The following BAIAP2L1 variants were observed in gnomAD, a reference collection of about 807,000 sequenced individuals.
BAIAP2L1 encodes BAR/IMD domain-containing adapter protein 2-like 1.
BAIAP2L1 carries 35 observed loss-of-function variants against 66.3 expected under a neutral mutation model. The ratio of observed to expected loss-of-function variants is 0.53; its 90% CI spans 0.40 to 0.70. The LOEUF (loss-of-function observed/expected upper bound fraction) is 0.70, where lower values mean the gene tolerates loss of function less well. Ranked by LOEUF, BAIAP2L1 falls within the 30% of genes least tolerant of loss-of-function variation. The pLI is 0.00. For missense variants in BAIAP2L1, 622 were observed against 656.9 expected (o/e 0.95, Z 0.58); for synonymous variants, 269 against 248.7 (o/e 1.08, Z -0.77).
intron 3 of BAIAP2L1, among the ~76,000 whole-genome samples, chr7:98,340,515 C>T (rs1002096698): frequency 4.6e-5 from 7 of 152,134 alleles, no homozygotes; most frequent in Admixed American, 4.6e-4. Flanking sequence ...TCTCGATCTC[C>T]TGGCCTCGTG....
At chr7:98,327,911 G>A (rs1343674967) in intron 3 of BAIAP2L1, among the ~76,000 whole-genome samples, 1 of 152,076 alleles carries the variant, frequency 6.6e-6, no homozygotes, top group African/African-American at 2.4e-5. Context: ...TTAACGCTTT[G>A]CTTAACAGTA....
At chr7:98,354,940 C>T (rs1802085305) in intron 3 of BAIAP2L1, 102 bp downstream of exon 3, 2 of 846,152 alleles carry the variant, frequency 2.4e-6, no homozygotes, top group Non-Finnish European at 4.0e-6. Context: ...AGCATGCTGG[C>T]CCAGATCTCT....
chr7:98,294,302 G>C (rs1369299991), intron 12 of BAIAP2L1, among the ~76,000 whole-genome samples, 191 bp from the exon 13 acceptor site: 1 of 152,190 alleles, frequency 6.6e-6, no homozygotes, highest in Non-Finnish European at 1.5e-5. Flanking sequence ...CTGTATTGGA[G>C]ATTTTTAATA....
At chr7:98,302,961 T>C (rs551326648) in intron 12 of BAIAP2L1, among the ~76,000 whole-genome samples, 6 of 152,224 alleles carry the variant, frequency 3.9e-5, no homozygotes, top group Admixed American at 3.3e-4. Context: ...ATTTTTTATA[T>C]TTTTTGTCTA....
At chr7:98,380,141 G>T (rs1347807533) in intron 1 of BAIAP2L1, among the ~76,000 whole-genome samples, 1 of 150,626 alleles carries the variant, frequency 6.6e-6, no homozygotes, top group Non-Finnish European at 1.5e-5. Context: ...GCAGTGGTGT[G>T]ATCAGACCTC....
chr7:98,388,387 G>C (rs1242543247), intron 1 of BAIAP2L1, among the ~76,000 whole-genome samples: 1 of 152,208 alleles, frequency 6.6e-6, no homozygotes, highest in African/African-American at 2.4e-5. Context: ...CGGCTACTCG[G>C]GAGGCCAAGG....
At position 98,329,871 on chromosome 7, in the gene BAIAP2L1, T is replaced by C. The variant is rs1264256985; in HGVS notation, c.215-9573A>G. Among the ~76,000 whole-genome samples the C allele has an allele frequency of 2.0e-5, 3 of 152,126 alleles. No homozygotes were observed. The South Asian group carries it at 6.2e-4, about 32-fold the overall frequency. On this transcript the variant is annotated intron_variant, in intron 3 of 13. Coordinates refer to ENST00000005260, the MANE Select transcript of BAIAP2L1 (RefSeq NM_018842.5). ...GTTATCCATCAACAGGGCTCCGGGA[T>C]AATATCTGTGGATTACAGCACAGAG... is the stretch of plus-strand genomic sequence containing the variant.
chr7:98,358,526 T>C (rs935896576), intron 2 of BAIAP2L1, among the ~76,000 whole-genome samples: 2 of 151,786 alleles, frequency 1.3e-5, no homozygotes, highest in Non-Finnish European at 2.9e-5. Flanking sequence ...CCTAGCTAAT[T>C]TTTTATTTTT....
intron 3 of BAIAP2L1, among the ~76,000 whole-genome samples, chr7:98,350,520 G>A (rs1278545375): frequency 1.3e-5 from 2 of 152,046 alleles, no homozygotes; most frequent in South Asian, 2.1e-4. Flanking sequence ...TTAGCTGGGC[G>A]TGGTGGTGTG....
At position 98,293,464 on chromosome 7, in the gene BAIAP2L1, G is replaced by A. The variant is rs377455240; in HGVS notation, c.*57C>T. 169 of 1,510,170 alleles carry A rather than the reference G, an allele frequency of 1.1e-4. No homozygotes were observed. In the South Asian group the frequency reaches 1.2e-3, roughly 10 times the overall value. 93.5% of individuals were successfully genotyped at this position (1,510,170 alleles called of 1,614,324 possible). A position where few individuals can be genotyped will look rare whatever the true frequency, so the allele number is the denominator to read the frequency against. ...CGTCAGCACGTGGCAGACAGGATGC[G>A]CCCATCATTCCGCAAGGGAGAACCG... On this transcript the variant is annotated 3_prime_UTR_variant, in exon 14 of 14. Coordinates refer to ENST00000005260, the MANE Select transcript of BAIAP2L1 (RefSeq NM_018842.5).
At chr7:98,293,735 T>TAGA (rs986295240) in intron 13 of BAIAP2L1, 139 bp from the exon 14 acceptor site, 6 of 785,116 alleles carry the variant, frequency 7.6e-6, no homozygotes, top group African/African-American at 1.7e-5. Context: ...CCAGCAGCGT[T>TAGA]TTCTGAGTGT....
In BAIAP2L1 at chr7:98,304,058, CCCCTCCT is replaced by C. The variant is rs1284557111; in HGVS notation, c.1422+131_1422+137del. ...ATCTAGAGGATCAAAGGCAGCAAGT[CCCCTCCT>C]CCCTCCTCCCCGGGGACACCACTCT... On this transcript the variant is annotated intron_variant, in intron 12 of 13. Transcript: ENST00000005260. 2.2e-5 allele frequency: 19 copies of C among 869,072 alleles called. 1 individual carries two copies. In the South Asian group the frequency reaches 3.8e-4, roughly 17 times the overall value. The allele number at this position is 869,072 out of a possible 1,614,324, so 53.8% of individuals were successfully genotyped here.
intron 1 of BAIAP2L1, among the ~76,000 whole-genome samples, chr7:98,371,388 G>A (rs1210226026): frequency 1.3e-5 from 2 of 152,080 alleles, no homozygotes; most frequent in East Asian, 1.9e-4. Flanking sequence ...GTGCTGAGTC[G>A]CATAAAAAGA....
At chr7:98,344,428 A>G (rs1390533975) in intron 3 of BAIAP2L1, among the ~76,000 whole-genome samples, 1 of 152,242 alleles carries the variant, frequency 6.6e-6, no homozygotes, top group African/African-American at 2.4e-5. Context: ...TTGAAGAAAG[A>G]GCAAGGACAC....
chr7:98,354,979 C>A, intron 3 of BAIAP2L1, 63 bp downstream of exon 3: 1 of 1,245,084 alleles, frequency 8.0e-7, no homozygotes, highest in Non-Finnish European at 1.2e-6. Context: ...CCATCCCACG[C>A]GTTTCTCTTG....
intron 12 of BAIAP2L1, among the ~76,000 whole-genome samples, chr7:98,299,527 T>C (rs946965832): frequency 2.0e-5 from 3 of 151,184 alleles, no homozygotes; most frequent in Non-Finnish European, 1.5e-5. Flanking sequence ...CAAGCTTATT[T>C]TTATATATAG....
At chr7:98,376,866 G>A (rs540298481) in intron 1 of BAIAP2L1, among the ~76,000 whole-genome samples, 13 of 151,884 alleles carry the variant, frequency 8.6e-5, no homozygotes, top group Non-Finnish European at 1.2e-4. Flanking sequence ...AATCTAACAC[G>A]GTGTTGTCTA....
intron 2 of BAIAP2L1, among the ~76,000 whole-genome samples, chr7:98,359,751 T>TTG (rs1554337637): frequency 6.7e-6 from 1 of 148,654 alleles, no homozygotes; most frequent in Non-Finnish European, 1.5e-5. Flanking sequence ...CTGGGTTTTT[T>TTG]TTTTTTTTTT....
chr7:98,368,443 A>ATGG (rs1482199420), intron 1 of BAIAP2L1, among the ~76,000 whole-genome samples: 1 of 151,950 alleles, frequency 6.6e-6, no homozygotes, highest in South Asian at 2.1e-4. Context: ...ACAAAACAAA[A>ATGG]GAATCATGGG....
Sources: allele counts gnomAD v4.1 joint callset (sites outside exome capture counted in the v4.1 genomes callset), GRCh38; gene constraint gnomAD v4.1.1; transcripts MANE v1.5; gene names NCBI Gene and HGNC (gene_info 2026-07-23, HGNC 2026-07-21).